The following ERI1 variants were observed in gnomAD, a reference collection of about 807,000 sequenced individuals.
ERI1 encodes 3'-5' exoribonuclease 1.
A neutral mutation model predicts 39.7 loss-of-function variants in ERI1; 39 were observed. The observed-to-expected ratio is 0.98, with a 90% CI of 0.76 to 1.28. The LOEUF is 1.28. ERI1 is among the 50% of genes most tolerant of loss of function. The probability of loss-of-function intolerance (pLI) is 0.00; values close to 1 mark genes in which losing one functional copy is unlikely to be tolerated. For missense variants in ERI1, 581 were observed against 416.9 expected, an observed-to-expected ratio of 1.39 and a Z score of -3.43; for synonymous variants, 204 against 149.6, an observed-to-expected ratio of 1.36 and a Z score of -2.65.
chr8:9,078,519 T>G (rs1799275147), intron 3 of ERI1, among the ~76,000 whole-genome samples: 1 of 152,194 alleles, frequency 6.6e-6, no homozygotes, highest in Non-Finnish European at 1.5e-5. Context: ...AGACTCTGCT[T>G]CCCCTCACAC....
At chr8:9,025,697 T>C (rs1330878380) in intron 6 of ERI1, among the ~76,000 whole-genome samples, 2 of 122,804 alleles carry the variant, frequency 1.6e-5, no homozygotes, top group African/African-American at 5.5e-5. Flanking sequence ...TTTAATCTTT[T>C]TTTTTTGTGT....
At chr8:9,007,827 G>A (rs371893004) in intron 1 of ERI1, 143 bp from the exon 2 acceptor site, 3 of 1,244,498 alleles carry the variant, frequency 2.4e-6, no homozygotes, top group Non-Finnish European at 3.2e-6. Context: ...CTCCGTTTAG[G>A]AGCTGCAGTG....
At chr8:9,025,396 T>C (rs1818363794) in intron 6 of ERI1, among the ~76,000 whole-genome samples, 1 of 152,254 alleles carries the variant, frequency 6.6e-6, no homozygotes, top group Non-Finnish European at 1.5e-5. Context: ...TCCAGCTTCT[T>C]ATAGGGACTT....
At chr8:9,024,289 G>A (rs998147120) in intron 6 of ERI1, among the ~76,000 whole-genome samples, 11 of 152,210 alleles carry the variant, frequency 7.2e-5, no homozygotes, top group African/African-American at 2.7e-4. Context: ...ACAGATTTTT[G>A]TATAAGATTT....
Position 9,007,962 on chromosome 8 carries a change from TTTGG to T in ERI1, c.109-6_109-3del. On this transcript the variant is annotated splice_region_variant and splice_polypyrimidine_tract_variant and intron_variant, in intron 1 of 6. Coordinates refer to ENST00000250263, the MANE Select transcript of ERI1 (RefSeq NM_153332.4). Reference sequence around the variant, plus strand: ...TTTTTTTTTTTTTTTTTTTTTTTTTTTTGGTAGGAAACTCAACAGTGTAAATTTG... The same window carrying T: ...TTTTTTTTTTTTTTTTTTTTTTTTTTTAGGAAACTCAACAGTGTAAATTTG... The T allele has an allele frequency of 8.4e-7, 1 of 1,195,358 alleles. No individual in the cohort carries two copies. The highest frequency in any genetic ancestry group is 1.1e-6 in the Non-Finnish European group (1 of 891,174). 74.0% of individuals were successfully genotyped at this position (1,195,358 alleles called of 1,614,324 possible). A position where few individuals can be genotyped will look rare whatever the true frequency, so the allele number is the denominator to read the frequency against.
At chr8:9,045,922 A>C (rs946373630) in intron 3 of ERI1, among the ~76,000 whole-genome samples, 2 of 151,854 alleles carry the variant, frequency 1.3e-5, no homozygotes, top group African/African-American at 4.8e-5. Flanking sequence ...CAAGTGATCC[A>C]CCTGCCTCAG....
intron 2 of ERI1, 105 bp downstream of exon 2, chr8:9,008,253 A>C: frequency 9.9e-7 from 1 of 1,010,610 alleles, no homozygotes; most frequent in Non-Finnish European, 1.4e-6. Context: ...TACCGTAATG[A>C]CATGATCCTA....
chr8:9,029,821 A>T lies in ERI1; in HGVS notation c.837A>T (p.Ile279=), dbSNP rs781548623. Residue 279 remains isoleucine, a synonymous_variant, in exon 7 of 7, where the codon ATA becomes ATT. Coordinates refer to ENST00000250263, the MANE Select transcript of ERI1 (RefSeq NM_153332.4). ...CTAGAAGCCAAACCAAACTGACAATAATGCTTGAAAAATTAGGAATGGATT... is the reference window on the plus strand; with the variant it reads ...CTAGAAGCCAAACCAAACTGACAATTATGCTTGAAAAATTAGGAATGGATT... The part of the protein sequence containing the change: ...KVPRSQTKLT[I]MLEKLGMDYD... The T allele has an allele frequency of 2.5e-5, 40 of 1,614,076 alleles. No homozygotes were observed. Among genetic ancestry groups the T allele is most frequent in the Non-Finnish European group, 3.2e-5 (38 of 1,180,034 alleles).
At chr8:9,079,599 C>T (rs977301970) in intron 3 of ERI1, among the ~76,000 whole-genome samples, 15 of 152,082 alleles carry the variant, frequency 9.9e-5, no homozygotes, top group Admixed American at 6.6e-4. Flanking sequence ...ATAGTTTAGC[C>T]GAAGTGAGGA....
At chr8:9,065,838 T>C (rs571089505) in intron 3 of ERI1, among the ~76,000 whole-genome samples, 7 of 152,320 alleles carry the variant, frequency 4.6e-5, no homozygotes, top group Non-Finnish European at 1.0e-4. Flanking sequence ...TTGATTCCTT[T>C]TTCCTCTCCT....
At chr8:9,078,637 G>C (rs978077457) in intron 3 of ERI1, among the ~76,000 whole-genome samples, 12 of 152,122 alleles carry the variant, frequency 7.9e-5, no homozygotes, top group Non-Finnish European at 1.2e-4. Flanking sequence ...CAGCCTTGTG[G>C]AAGCCAGAGA....
At chr8:9,019,874 C>T (rs1024248817) in intron 5 of ERI1, among the ~76,000 whole-genome samples, 1 of 152,204 alleles carries the variant, frequency 6.6e-6, no homozygotes, top group South Asian at 2.1e-4. Flanking sequence ...TTCCATATTA[C>T]ACAATCAGTA....
chr8:9,007,678 T>C (rs1816166294), intron 1 of ERI1, among the ~76,000 whole-genome samples: 3 of 152,180 alleles, frequency 2.0e-5, no homozygotes, highest in Non-Finnish European at 2.9e-5. Flanking sequence ...AATAGTCAGC[T>C]GGGGTTCTCT....
In ERI1 at chr8:9,002,977, C is replaced by T. The variant is rs1585172784; in HGVS notation, c.-87C>T. 2 of 976,216 alleles carry T rather than the reference C, an allele frequency of 2.0e-6. No individual in the cohort carries two copies. The highest frequency in any genetic ancestry group is 2.7e-6 in the Non-Finnish European group (2 of 749,868). The allele number at this position is 976,216 out of a possible 1,614,324, so 60.5% of individuals were successfully genotyped here. A position where few individuals can be genotyped will look rare whatever the true frequency, so the allele number is the denominator to read the frequency against. On this transcript the variant is annotated 5_prime_UTR_variant, in exon 1 of 7. The change creates a new upstream start codon in the 5' untranslated region. Coordinates refer to ENST00000250263, the MANE Select transcript of ERI1 (RefSeq NM_153332.4). ...GAACGCGAGCCCGGTAATTTTTCAA[C>T]GGAGAAAGGCGAGGCTTTCGGGCTC...
intron 1 of ERI1, among the ~76,000 whole-genome samples, chr8:9,005,841 T>G (rs1815959013): frequency 6.6e-6 from 1 of 152,236 alleles, no homozygotes; most frequent in Non-Finnish European, 1.5e-5. Context: ...AAACCTCTGT[T>G]TGGTATAGAA....
intron 3 of ERI1, among the ~76,000 whole-genome samples, chr8:9,065,995 G>A (rs1462410634): frequency 1.3e-5 from 2 of 152,052 alleles, no homozygotes; most frequent in Non-Finnish European, 1.5e-5. Flanking sequence ...GGTCACGGCC[G>A]CCTTTTTTTT....
At chr8:9,021,774 G>GTTTTTTTTT (rs200507835) in intron 6 of ERI1, among the ~76,000 whole-genome samples, 102 of 88,106 alleles carry the variant, frequency 1.2e-3, no homozygotes, top group East Asian at 2.5e-3. Flanking sequence ...TGTTTTTTTT[G>GTTTTTTTTT]TTTTTTTTTT....
chr8:9,024,014 C>A (rs764098976), intron 6 of ERI1, among the ~76,000 whole-genome samples: 2 of 151,886 alleles, frequency 1.3e-5, no homozygotes, highest in Non-Finnish European at 2.9e-5. Context: ...ATTAGCCAGG[C>A]TGGTCTTGAA....
intron 6 of ERI1, among the ~76,000 whole-genome samples, 171 bp from the exon 7 acceptor site, chr8:9,029,621 T>G (rs1164537554): frequency 1.3e-5 from 2 of 152,172 alleles, no homozygotes; most frequent in Non-Finnish European, 2.9e-5. Flanking sequence ...GTGAGCCACC[T>G]TGCCTGGCCT....
Sources: gnomAD v4.1 joint callset for allele counts (sites outside exome capture counted in the v4.1 genomes callset) on GRCh38, gnomAD v4.1.1 for gene constraint, MANE v1.5 for transcripts, NCBI Gene and HGNC (gene_info 2026-07-23, HGNC 2026-07-21) for gene names.